Variants in JAK3 observed in about 807,000 individuals in gnomAD.
JAK3 encodes tyrosine-protein kinase JAK3.
In JAK3, 88 loss-of-function variants were observed where a neutral mutation model predicts 120.8. The observed-to-expected ratio is 0.73, with a 90% confidence interval of 0.61 to 0.87. The LOEUF is 0.87. Among genes scored for constraint, JAK3 ranks in the 40% least tolerant of loss-of-function variants. The probability of loss-of-function intolerance (pLI) is 0.00; values close to 1 mark genes in which losing one functional copy is unlikely to be tolerated. For synonymous variants in JAK3, 592 were observed against 628.6 expected, an observed-to-expected ratio of 0.94 and a Z score of 0.87; for missense variants, 1,254 against 1,501.4, an observed-to-expected ratio of 0.84 and a Z score of 2.72.
At position 17,841,704 on chromosome 19, in the gene JAK3, G is replaced by A. The variant is rs199815093; in HGVS notation, c.920C>T (p.Pro307Leu). 5 of 1,613,460 alleles carry A rather than the reference G, an allele frequency of 3.1e-6. No homozygotes were observed. The highest frequency in any genetic ancestry group is 4.2e-6 in the Non-Finnish European group (5 of 1,179,980). Residue 307 changes from proline (P) to leucine (L), a missense_variant, in exon 7 of 24, where the codon CCG (proline) becomes CTG (leucine). By Grantham distance (98) the Pro-to-Leu change is moderately conservative. Coordinates refer to ENST00000458235, the MANE Select transcript of JAK3 (RefSeq NM_000215.4). The surrounding 1 kb of genome is among the most constrained non-coding windows in gnomAD (Gnocchi z 4.1). The part of the protein sequence containing the change: ...EIVDISIKQA[P>L]RVGPAGEHRL... Reference sequence around the variant, plus strand: ...GTGCTCTCCGGCCGGGCCAACGCGCGGGGCCTGCTTGATGCTAATGTCTAC... The same window carrying A: ...GTGCTCTCCGGCCGGGCCAACGCGCAGGGCCTGCTTGATGCTAATGTCTAC...
intron 2 of JAK3, 75 bp downstream of exon 2, chr19:17,844,159 C>G (rs749920744): frequency 1.4e-6 from 2 of 1,448,938 alleles, no homozygotes; most frequent in Non-Finnish European, 1.9e-6. Flanking sequence ...CTGCAGGCAA[C>G]TATTCCAGCT....
rs555292835 is a variant in JAK3, at chr19:17,828,253, T to C, written c.3208-1343A>G. 7.2e-5 allele frequency among the ~76,000 whole-genome samples: 11 copies of C among 151,862 alleles called. No individual in the cohort carries two copies. In the East Asian group the frequency reaches 2.1e-3, roughly 29 times the overall value. ...TGTTTTGTTTTGTTTTGTTTTGTTT[T>C]GTTTTGTTTTGTTTTGTTTTGAGAC... On this transcript the variant is annotated intron_variant, in intron 23 of 23. Coordinates refer to ENST00000458235, the MANE Select transcript of JAK3 (RefSeq NM_000215.4).
At chr19:17,827,498 C>T (rs1193679256) in intron 23 of JAK3, among the ~76,000 whole-genome samples, 2 of 151,650 alleles carry the variant, frequency 1.3e-5, no homozygotes, top group Non-Finnish European at 2.9e-5. Flanking sequence ...CATGCACACA[C>T]CGCCACACCT....
rs3212746 is a variant in JAK3 at position 17,839,346 on chromosome 19, A to G, written c.1441+131T>C. The G allele has an allele frequency of 2.5e-3, 2,131 of 851,576 alleles. 36 individuals are homozygous for G. The African/African-American group carries it at 0.032, about 13-fold the overall frequency. The allele number at this position is 851,576 out of a possible 1,614,324, so 52.8% of individuals were successfully genotyped here. A position where few individuals can be genotyped will look rare whatever the true frequency, so the allele number is the denominator to read the frequency against. ...ATATCTCTAACTTCCTGAGCCAACAAATCACCTTTTCTTCCCTAACCCACC... is the reference window on the plus strand; with the variant it reads ...ATATCTCTAACTTCCTGAGCCAACAGATCACCTTTTCTTCCCTAACCCACC... On this transcript the variant is annotated intron_variant, in intron 10 of 23. Transcript: ENST00000458235.
At position 17,834,834 on chromosome 19, in the gene JAK3, C is replaced by T. The variant is rs199661011; in HGVS notation, c.2199+18G>A. 47 of 1,613,572 alleles carry T rather than the reference C, an allele frequency of 2.9e-5. No individual in the cohort carries two copies. The highest frequency in any genetic ancestry group is 1.4e-4 in the South Asian group (13 of 91,070). On this transcript the variant is annotated intron_variant, in intron 16 of 23. Transcript: ENST00000458235. ...AAAGTGGGGGTTCGGAGACCGATGC[C>T]GGGTGAGGGGCTCTGACCTTAGCAG...
Position 17,843,805 on chromosome 19 carries a change from T to C in JAK3, c.280A>G (p.Ser94Gly). Residue 94 changes from serine (S) to glycine (G), a missense_variant, in exon 3 of 24, where the codon AGC (serine) becomes GGC (glycine). Ser to Gly is a moderately conservative substitution (Grantham distance 56). Around this residue, in one of 3 missense-constraint regions of JAK3, gnomAD observed 138 missense variants for 178.7 expected, o/e 0.77. Coordinates refer to ENST00000458235, the MANE Select transcript of JAK3 (RefSeq NM_000215.4). This position sits in a 1 kb window ranked among gnomAD's most constrained non-coding sequence, Gnocchi z 5.4. The stretch of plus-strand genomic sequence containing the variant: ...ATCCTGTACAGCAGGACTTGGGTGC[T>C]GGCATCCTCCACGGAGAAGATGTGG... ...PSHIFSVEDASTQVLLYRIRF... is the reference protein window; with the variant it reads ...PSHIFSVEDAGTQVLLYRIRF... 6.2e-7 allele frequency: 1 copy of C among 1,613,616 alleles called. No individual in the cohort carries two copies. The highest frequency in any genetic ancestry group is 8.5e-7 in the Non-Finnish European group (1 of 1,179,970).
At position 17,842,255 on chromosome 19, in the gene JAK3, C is replaced by T. The variant is rs2147696601; in HGVS notation, c.861+61G>A. 1.4e-6 allele frequency: 2 copies of T among 1,425,242 alleles called. No homozygotes were observed. The highest frequency in any genetic ancestry group is 1.9e-6 in the Non-Finnish European group (2 of 1,080,226). 88.3% of individuals were successfully genotyped at this position (1,425,242 alleles called of 1,614,324 possible). On this transcript the variant is annotated intron_variant, in intron 6 of 23. Transcript: ENST00000458235. This position sits in a 1 kb window ranked among gnomAD's most constrained non-coding sequence, Gnocchi z 6.4. The stretch of plus-strand genomic sequence containing the variant: ...CCGCCCCACATCCCCTACCACTCTC[C>T]GGCCCCTCCCCGAGCCCCGCCCCCA...
At position 17,836,008 on chromosome 19, in the gene JAK3, C is replaced by T. The variant is rs587778415; in HGVS notation, c.1830G>A (p.Met610Ile). The change falls in exon 14 of 24, where the codon ATG becomes ATA. Residue 610 changes from methionine (M) to isoleucine (I), a missense_variant. Physicochemically the swap from Met to Ile is conservative, Grantham distance 10. Around this residue, in one of 3 missense-constraint regions of JAK3, gnomAD observed 630 missense variants for 819.8 expected, o/e 0.77. Coordinates refer to ENST00000458235, the MANE Select transcript of JAK3 (RefSeq NM_000215.4). Reference sequence around the variant, plus strand: ...CCAGGTGGCCACGTTTTCGCAGATACATGTCTATGGCCCCCAGGTGTACAA... The same window carrying T: ...CCAGGTGGCCACGTTTTCGCAGATATATGTCTATGGCCCCCAGGTGTACAA... Reference protein sequence around the residue: ...QEFVHLGAIDMYLRKRGHLVP... With the variant: ...QEFVHLGAIDIYLRKRGHLVP... 1 of 1,614,132 alleles carries T rather than the reference C, an allele frequency of 6.2e-7. No individual in the cohort carries two copies. The highest frequency in any genetic ancestry group is 8.5e-7 in the Non-Finnish European group (1 of 1,180,040).
At chr19:17,830,287 T>C in intron 22 of JAK3, 69 bp from the exon 23 acceptor site, 1 of 1,074,986 alleles carries the variant, frequency 9.3e-7, no homozygotes, top group Non-Finnish European at 1.4e-6. Context: ...GGGCCACCCG[T>C]GGTGGGGGTA....
At chr19:17,828,176 T>A (rs1037276517) in intron 23 of JAK3, among the ~76,000 whole-genome samples, 1 of 151,898 alleles carries the variant, frequency 6.6e-6, no homozygotes, top group Non-Finnish European at 1.5e-5. Flanking sequence ...ACCCCACCAT[T>A]TCCCTCTGTT....
In JAK3 at chr19:17,843,478, T is replaced by G; in HGVS notation, c.322A>C (p.Asn108His). Residue 108 changes from asparagine to histidine, a missense_variant, in exon 4 of 24, where the codon AAT becomes CAT. By Grantham distance (68) the Asn-to-His change is moderately conservative. Transcript: ENST00000458235. The surrounding 1 kb of genome is among the most constrained non-coding windows in gnomAD (Gnocchi z 5.4). ...LLYRIRFYFP[N>H]WFGLEKCHRF... ...TGGCACTTCTCCAGCCCAAACCAAT[T>G]GGGGAAGTAAAAGCTGTGAGGAGAG... 6.3e-7 allele frequency: 1 copy of G among 1,596,034 alleles called. No homozygotes were observed. The highest frequency in any genetic ancestry group is 8.5e-7 in the Non-Finnish European group (1 of 1,171,080).
At position 17,841,854 on chromosome 19, in the gene JAK3, C is replaced by T; in HGVS notation, c.862-92G>A. 1.3e-6 allele frequency: 2 copies of T among 1,563,052 alleles called. No homozygotes were observed. The highest frequency in any genetic ancestry group is 1.3e-5 in the African/African-American group (1 of 74,170). Reference sequence around the variant, plus strand: ...CACCCCCAAGCCACACCATCCACTCCCTATCCCTTTGCCATTCAACCCTTC... The same window carrying T: ...CACCCCCAAGCCACACCATCCACTCTCTATCCCTTTGCCATTCAACCCTTC... On this transcript the variant is annotated intron_variant, in intron 6 of 23. Transcript: ENST00000458235. This position sits in a 1 kb window ranked among gnomAD's most constrained non-coding sequence, Gnocchi z 4.1.
At chr19:17,839,739 T>TCTC (rs10685173) in intron 9 of JAK3, 76 bp from the exon 10 acceptor site, 2 of 193,468 alleles carry the variant, frequency 1.0e-5, no homozygotes, top group African/African-American at 7.7e-5. Context: ...CTTTTTTTTC[T>TCTC]TTTTTTTTTT....
chr19:17,825,169 T>C lies in JAK3; in HGVS notation c.*1574A>G, dbSNP rs895775234. Reference sequence around the variant, plus strand: ...CTGACCATTTTGCAGGGGACAGAACTGAGACCCAGAGAGGGAAAGGAACTT... The same window carrying C: ...CTGACCATTTTGCAGGGGACAGAACCGAGACCCAGAGAGGGAAAGGAACTT... On this transcript the variant is annotated 3_prime_UTR_variant, in exon 24 of 24. Coordinates refer to ENST00000458235, the MANE Select transcript of JAK3 (RefSeq NM_000215.4). 3 of 229,386 alleles carry C rather than the reference T, an allele frequency of 1.3e-5. No individual in the cohort carries two copies. Among genetic ancestry groups the C allele is most frequent in the Non-Finnish European group, 2.6e-5 (3 of 115,710 alleles). The allele number at this position is 229,386 out of a possible 1,614,324, so 14.2% of individuals were successfully genotyped here.
chr19:17,844,809 A>AAAAT (rs2094248478), intron 1 of JAK3, among the ~76,000 whole-genome samples: 1 of 140,548 alleles, frequency 7.1e-6, no homozygotes, highest in African/African-American at 2.8e-5. Flanking sequence ...AAAAAAAAAA[A>AAAAT]AAAAGAAAGA....
At position 17,838,334 on chromosome 19, in the gene JAK3, C is replaced by T. The variant is rs2094229434; in HGVS notation, c.1498G>A (p.Val500Ile). The T allele has an allele frequency of 1.9e-6, 3 of 1,613,978 alleles. No homozygotes were observed. The highest frequency in any genetic ancestry group is 2.7e-5 in the African/African-American group (2 of 74,972). The change falls in exon 11 of 24, where the codon GTT becomes ATT. Residue 500 changes from valine to isoleucine, a missense_variant. Physicochemically the swap from Val to Ile is conservative, Grantham distance 29. Around this residue, in one of 3 missense-constraint regions of JAK3, gnomAD observed 486 missense variants for 503.0 expected, o/e 0.97. Transcript: ENST00000458235. ...AGCTGGTATTGGGATTGGGGCTGAA[C>T]CAAGGATGATGTGGGTGGGCTGTGA... ...RGHSPPTSSL[V>I]QPQSQYQLSQ...
chr19:17,829,251 C>T (rs1050026582), intron 23 of JAK3, among the ~76,000 whole-genome samples: 1 of 151,984 alleles, frequency 6.6e-6, no homozygotes, highest in Non-Finnish European at 1.5e-5. Flanking sequence ...TGAAACCTTC[C>T]CCTCCCAGGT....
intron 10 of JAK3, among the ~76,000 whole-genome samples, chr19:17,838,660 C>T (rs2094230269): frequency 6.6e-6 from 1 of 151,988 alleles, no homozygotes; most frequent in Admixed American, 6.6e-5. Context: ...ATTTTCCTGC[C>T]TCGGCCTCCC....
rs991377636 is a variant in JAK3, at chr19:17,832,433, C to T, written c.2680+86G>A. The T allele has an allele frequency of 3.0e-6, 4 of 1,336,762 alleles. No homozygotes were observed. The highest frequency in any genetic ancestry group is 2.3e-5 in the East Asian group (1 of 43,600). The allele number at this position is 1,336,762 out of a possible 1,614,324, so 82.8% of individuals were successfully genotyped here. A position where few individuals can be genotyped will look rare whatever the true frequency, so the allele number is the denominator to read the frequency against. ...GATCAATAATCACGTTCCCAGCCTA[C>T]CTAAAGTGGCCTGGCAGGAGGGTAA... On this transcript the variant is annotated intron_variant, in intron 19 of 23. Coordinates refer to ENST00000458235, the MANE Select transcript of JAK3 (RefSeq NM_000215.4). This position sits in a 1 kb window ranked among gnomAD's most constrained non-coding sequence, Gnocchi z 4.7.
Sources: gnomAD v4.1 joint callset for allele counts (sites outside exome capture counted in the v4.1 genomes callset) on GRCh38, gnomAD v4.1.1 for gene constraint, gnomAD v4.1.1 regional missense constraint, Gnocchi (gnomAD v3.1) non-coding constraint, MANE v1.5 for transcripts, NCBI Gene and HGNC (gene_info 2026-07-23, HGNC 2026-07-21) for gene names.